MECOM: variants seen among roughly 807,000 people sequenced by gnomAD.
MECOM encodes the protein MDS1 and EVI1 complex locus.
A neutral mutation model predicts 116.3 loss-of-function variants in MECOM; 13 were observed. The observed-to-expected ratio is 0.11, with a 90% CI of 0.07 to 0.18. MECOM has a LOEUF of 0.18. Ranked by LOEUF, MECOM falls within the 10% of genes least tolerant of loss-of-function variation. MECOM has a pLI of 1.00. For missense variants in MECOM, 1,299 were observed against 1,509.0 expected, an observed-to-expected ratio of 0.86 and a Z score of 2.31; for synonymous variants, 528 against 535.2, an observed-to-expected ratio of 0.99 and a Z score of 0.19.
At chr3:169,175,200 C>CT (rs1215397308) in intron 2 of MECOM, among the ~76,000 whole-genome samples, 1 of 152,118 alleles carries the variant, frequency 6.6e-6, no homozygotes, top group African/African-American at 2.4e-5. Flanking sequence ...GGCTTTGCAT[C>CT]TATTATTGCA....
intron 1 of MECOM, among the ~76,000 whole-genome samples, chr3:169,659,072 C>CAAAAAA (rs199570807): frequency 6.0e-5 from 5 of 83,498 alleles, no homozygotes; most frequent in African/African-American, 1.4e-4. Flanking sequence ...CCTTCAACTC[C>CAAAAAA]AAAAAAAAAA....
intron 2 of MECOM, among the ~76,000 whole-genome samples, chr3:169,296,014 C>A (rs1171002730): frequency 6.6e-6 from 1 of 152,138 alleles, no homozygotes; most frequent in Non-Finnish European, 1.5e-5. Flanking sequence ...CCTGATTCAA[C>A]CATAGTCTGT....
intron 4 of MECOM, among the ~76,000 whole-genome samples, chr3:169,128,743 A>G (rs1263027798): frequency 2.0e-5 from 3 of 152,330 alleles, no homozygotes; most frequent in Non-Finnish European, 4.4e-5. Context: ...TAATTGTCAT[A>G]GCTTTGTTAA....
At chr3:169,469,890 A>G (rs1578186140) in intron 1 of MECOM, among the ~76,000 whole-genome samples, 1 of 152,218 alleles carries the variant, frequency 6.6e-6, no homozygotes, top group African/African-American at 2.4e-5. Flanking sequence ...CAAGTCACTT[A>G]AAGCAAAAAA....
At chr3:169,283,856 A>G (rs561883115) in intron 2 of MECOM, among the ~76,000 whole-genome samples, 228 of 152,244 alleles carry the variant, frequency 1.5e-3, no homozygotes, top group African/African-American at 5.2e-3. Context: ...GCTTCTACTG[A>G]TAGTTGGTAA....
At position 169,483,855 on chromosome 3, in the gene MECOM, C is replaced by T. The variant is rs1006706351; in HGVS notation, c.38-102331G>A. ...CACCTCGGATGTCACGGTGATCTTG[C>T]TCTTGCTCCTTTCGATGGTCACCAC... On this transcript the variant is annotated intron_variant, in intron 1 of 16. Coordinates refer to ENST00000651503, the MANE Select transcript of MECOM (RefSeq NM_004991.4). 203 of 1,611,274 alleles carry T rather than the reference C, an allele frequency of 1.3e-4. 1 individual carries two copies. The highest frequency in any genetic ancestry group is 1.7e-4 in the Non-Finnish European group (198 of 1,179,338).
intron 2 of MECOM, among the ~76,000 whole-genome samples, chr3:169,234,801 T>C (rs942602476): frequency 3.3e-5 from 5 of 152,210 alleles, no homozygotes; most frequent in Non-Finnish European, 7.3e-5. Flanking sequence ...GACAATACCA[T>C]CTATATGTGC....
chr3:169,349,573 G>GC (rs760325790), intron 2 of MECOM, among the ~76,000 whole-genome samples: 10 of 151,802 alleles, frequency 6.6e-5, no homozygotes, highest in Middle Eastern at 3.4e-3. Context: ...GACTCAAATT[G>GC]CCCCACCTCA....
intron 1 of MECOM, among the ~76,000 whole-genome samples, chr3:169,514,285 T>C (rs1756347517): frequency 7.5e-6 from 1 of 133,220 alleles, no homozygotes; most frequent in South Asian, 2.2e-4. Flanking sequence ...TTTTTACAGT[T>C]CTTAAGCACA....
At chr3:169,229,277 ATGGT>A (rs1753099982) in intron 2 of MECOM, among the ~76,000 whole-genome samples, 1 of 152,230 alleles carries the variant, frequency 6.6e-6, no homozygotes, top group South Asian at 2.1e-4. Flanking sequence ...CGCATGTGAG[ATGGT>A]TGGTGACTAC....
At chr3:169,475,951 A>G (rs374257292) in intron 1 of MECOM, among the ~76,000 whole-genome samples, 1 of 152,374 alleles carries the variant, frequency 6.6e-6, no homozygotes, top group East Asian at 1.9e-4. Flanking sequence ...ATGGAAGCAC[A>G]GAGATATTTG....
intron 2 of MECOM, among the ~76,000 whole-genome samples, chr3:169,354,518 T>C (rs1321034449): frequency 6.6e-6 from 1 of 151,960 alleles, no homozygotes; most frequent in East Asian, 1.9e-4. Flanking sequence ...TTTCTATTTC[T>C]CTTTTTAAGT....
intron 2 of MECOM, among the ~76,000 whole-genome samples, chr3:169,229,260 C>T (rs955592448): frequency 3.3e-5 from 5 of 152,128 alleles, no homozygotes; most frequent in Non-Finnish European, 1.5e-5. Flanking sequence ...CTAGAAAGTG[C>T]CATCCACGCA....
intron 9 of MECOM, among the ~76,000 whole-genome samples, chr3:169,112,041 A>C (rs1727568976): frequency 1.3e-5 from 2 of 152,160 alleles, no homozygotes; most frequent in African/African-American, 4.8e-5. Flanking sequence ...CAAAAGTAAA[A>C]TAAATTTTAA....
intron 2 of MECOM, among the ~76,000 whole-genome samples, chr3:169,167,500 T>C (rs1743773320): frequency 6.6e-6 from 1 of 152,098 alleles, no homozygotes. Context: ...GTATTTATTA[T>C]CTACCATGCG....
At chr3:169,239,855 T>C (rs769688690) in intron 2 of MECOM, among the ~76,000 whole-genome samples, 10 of 152,162 alleles carry the variant, frequency 6.6e-5, no homozygotes, top group African/African-American at 9.7e-5. Flanking sequence ...TTCCATTGTG[T>C]TGATATAACA....
chr3:169,133,066 T>G (rs542522910), intron 3 of MECOM, among the ~76,000 whole-genome samples: 1 of 151,750 alleles, frequency 6.6e-6, no homozygotes, highest in East Asian at 1.9e-4. Context: ...ATCAATCTTA[T>G]TAAGCCAAAA....
intron 1 of MECOM, among the ~76,000 whole-genome samples, chr3:169,447,399 A>G (rs965811095): frequency 3.9e-5 from 6 of 152,174 alleles, no homozygotes; most frequent in Admixed American, 3.9e-4. Context: ...TTTGTAGGTT[A>G]AGATCACAAG....
intron 1 of MECOM, among the ~76,000 whole-genome samples, chr3:169,587,336 G>A (rs186844239): frequency 6.4e-4 from 98 of 152,056 alleles, no homozygotes; most frequent in Admixed American, 5.6e-3. Context: ...TGAGTTTTAA[G>A]AGAACAGTAA....
Sources: allele counts gnomAD v4.1 joint callset (sites outside exome capture counted in the v4.1 genomes callset), GRCh38; gene constraint gnomAD v4.1.1; transcripts MANE v1.5; gene names NCBI Gene and HGNC (gene_info 2026-07-23, HGNC 2026-07-21).